Variants in NDST4 observed in about 807,000 individuals in gnomAD.
NDST4 encodes N-deacetylase and N-sulfotransferase 4.
A neutral mutation model predicts 100.8 loss-of-function variants in NDST4; 63 were observed. The ratio of observed to expected loss-of-function variants is 0.62; its 90% CI spans 0.51 to 0.77. The LOEUF (loss-of-function observed/expected upper bound fraction) is 0.77, where lower values mean the gene tolerates loss of function less well. Among genes scored for constraint, NDST4 ranks in the 30% least tolerant of loss-of-function variants. The pLI, the probability that NDST4 is intolerant of heterozygous loss-of-function variation, is 0.00. For synonymous variants in NDST4, 377 were observed against 361.8 expected, an observed-to-expected ratio of 1.04 and a Z score of -0.48; for missense variants, 943 against 1,018.4, an observed-to-expected ratio of 0.93 and a Z score of 1.01.
chr4:115,050,425 C>A (rs929594354), intron 2 of NDST4, among the ~76,000 whole-genome samples: 1 of 151,640 alleles, frequency 6.6e-6, no homozygotes, highest in Admixed American at 6.6e-5. Context: ...CACACACACA[C>A]CATGACACAT....
At chr4:115,051,657 T>A (rs1320186847) in intron 2 of NDST4, among the ~76,000 whole-genome samples, 1 of 152,126 alleles carries the variant, frequency 6.6e-6, no homozygotes, top group Non-Finnish European at 1.5e-5. Flanking sequence ...CTTTAACCAT[T>A]CATCTGTTGG....
intron 4 of NDST4, among the ~76,000 whole-genome samples, chr4:114,955,627 T>C (rs1726120677): frequency 6.6e-6 from 1 of 152,186 alleles, no homozygotes; most frequent in Admixed American, 6.5e-5. Context: ...TGTGCAATGG[T>C]GGTATGAGGA....
chr4:114,866,312 T>A (rs17047410), intron 7 of NDST4, among the ~76,000 whole-genome samples: 24,802 of 152,168 alleles, frequency 0.16, 3,264 homozygotes, highest in African/African-American at 0.37. Flanking sequence ...CTGTCCTGAG[T>A]AAAGGCTTCT....
At chr4:115,107,874 A>T (rs1729862416) in intron 1 of NDST4, among the ~76,000 whole-genome samples, 1 of 152,098 alleles carries the variant, frequency 6.6e-6, no homozygotes, top group African/African-American at 2.4e-5. Flanking sequence ...AGAGTAATTT[A>T]AGTATTGAAT....
chr4:115,063,512 G>C (rs986320130), intron 2 of NDST4, among the ~76,000 whole-genome samples: 5 of 151,828 alleles, frequency 3.3e-5, no homozygotes, highest in African/African-American at 7.3e-5. Context: ...CATGAAAATA[G>C]CAAATTTTTG....
intron 3 of NDST4, among the ~76,000 whole-genome samples, chr4:114,975,907 T>C (rs954509416): frequency 1.3e-5 from 2 of 152,108 alleles, no homozygotes; most frequent in African/African-American, 4.8e-5. Flanking sequence ...ATTTTCAAAA[T>C]TGCAAGCTGA....
At chr4:114,944,530 T>C (rs182829311) in intron 4 of NDST4, among the ~76,000 whole-genome samples, 2 of 152,290 alleles carry the variant, frequency 1.3e-5, no homozygotes, top group East Asian at 1.9e-4. Flanking sequence ...TCCTCTGCAA[T>C]TGTCATTATC....
At chr4:115,036,084 T>C (rs890336456) in intron 2 of NDST4, among the ~76,000 whole-genome samples, 9 of 151,944 alleles carry the variant, frequency 5.9e-5, no homozygotes, top group South Asian at 4.1e-4. Context: ...TATTAAAGCA[T>C]ACTTGTTTTA....
At chr4:115,055,373 C>T (rs1425961850) in intron 2 of NDST4, among the ~76,000 whole-genome samples, 2 of 152,108 alleles carry the variant, frequency 1.3e-5, no homozygotes, top group African/African-American at 4.8e-5. Flanking sequence ...AAATTGCCTT[C>T]CATGAAACTG....
chr4:114,928,902 T>A (rs566976113), intron 6 of NDST4, among the ~76,000 whole-genome samples: 11 of 152,246 alleles, frequency 7.2e-5, no homozygotes, highest in Non-Finnish European at 1.3e-4. Context: ...AACTATACCA[T>A]CAGTTTTCCT....
At chr4:115,037,023 A>G (rs886371064) in intron 2 of NDST4, among the ~76,000 whole-genome samples, 3 of 152,042 alleles carry the variant, frequency 2.0e-5, no homozygotes, top group Non-Finnish European at 4.4e-5. Flanking sequence ...TTAATAGAGA[A>G]AAAGATGAGA....
At chr4:114,831,307 C>T (rs1423484221) in intron 12 of NDST4, among the ~76,000 whole-genome samples, 1 of 152,058 alleles carries the variant, frequency 6.6e-6, no homozygotes, top group Non-Finnish European at 1.5e-5. Context: ...CCGCCTCGGC[C>T]TCCCAAAGTG....
intron 4 of NDST4, among the ~76,000 whole-genome samples, chr4:114,965,636 C>A (rs1726363467): frequency 6.6e-6 from 1 of 151,924 alleles, no homozygotes; most frequent in Admixed American, 6.6e-5. Flanking sequence ...ATATTAAGGA[C>A]AAAAACTTGA....
intron 1 of NDST4, among the ~76,000 whole-genome samples, chr4:115,104,199 A>T (rs1324619625): frequency 6.6e-6 from 1 of 152,180 alleles, no homozygotes; most frequent in South Asian, 2.1e-4. Context: ...ATTTGTGGCA[A>T]AACTTAGAAT....
In NDST4 at chr4:115,056,155, C is replaced by T. The variant is rs188161848; in HGVS notation, c.978+19904G>A. Among the ~76,000 whole-genome samples, 495 of 152,084 alleles carry T rather than the reference C, an allele frequency of 3.3e-3. 2 individuals carry two copies. Among genetic ancestry groups the T allele is most frequent in the African/African-American group, 0.012 (480 of 41,476 alleles). ...GGGCTTGAGCTCAGGAGTTCAACAC[C>T]AGCCTGGGAAACATGGTGAAACCTC... On this transcript the variant is annotated intron_variant, in intron 2 of 13. Coordinates refer to ENST00000264363, the MANE Select transcript of NDST4 (RefSeq NM_022569.3).
intron 6 of NDST4, among the ~76,000 whole-genome samples, chr4:114,876,115 G>A (rs12640620): frequency 0.16 from 23,588 of 151,940 alleles, 1,992 homozygotes; most frequent in African/African-American, 0.2. Flanking sequence ...ATGAAACAAC[G>A]TCTTTGCAGA....
rs745979043 is a variant in NDST4, at chr4:114,940,286, C to A, written c.1222-2783G>T. ...CAGTCCATTAAATCCCAGTTAGTTG[C>A]GAAATAAGATATTGCAGTAATTTAC... On this transcript the variant is annotated intron_variant, in intron 4 of 13. Coordinates refer to ENST00000264363, the MANE Select transcript of NDST4 (RefSeq NM_022569.3). 2.6e-5 allele frequency among the ~76,000 whole-genome samples: 4 copies of A among 151,724 alleles called. No individual in the cohort carries two copies. In the South Asian group the frequency reaches 8.3e-4, roughly 32 times the overall value.
At chr4:115,031,036 G>C (rs75374628) in intron 2 of NDST4, among the ~76,000 whole-genome samples, 3 of 151,976 alleles carry the variant, frequency 2.0e-5, no homozygotes, top group Non-Finnish European at 2.9e-5. Context: ...AATACTCTTT[G>C]ATAGCTCATA....
chr4:114,840,974 T>C (rs1456462943), intron 10 of NDST4, among the ~76,000 whole-genome samples: 4 of 152,194 alleles, frequency 2.6e-5, no homozygotes, highest in Non-Finnish European at 5.9e-5. Context: ...GCTGAGTATA[T>C]AGATTATATA....
Sources: allele counts gnomAD v4.1 joint callset (sites outside exome capture counted in the v4.1 genomes callset), GRCh38; gene constraint gnomAD v4.1.1; transcripts MANE v1.5; gene names NCBI Gene and HGNC (gene_info 2026-07-23, HGNC 2026-07-21).